The following SENP5 variants were observed in gnomAD, a reference collection of about 807,000 sequenced individuals.
SENP5 encodes SUMO specific peptidase 5, also known as sentrin-specific protease 5.
In SENP5, 21 loss-of-function variants were observed where a neutral mutation model predicts 74.2. That is an observed-to-expected ratio of 0.28 (90% CI 0.20 to 0.41). The LOEUF is 0.41. SENP5 is among the 10% of genes least tolerant of loss of function. The pLI, the probability that SENP5 is intolerant of heterozygous loss-of-function variation, is 1.00. For synonymous variants in SENP5, 311 were observed against 312.7 expected (o/e 0.99, Z 0.06); for missense variants, 717 against 889.1 (o/e 0.81, Z 2.46).
In SENP5 at chr3:196,885,773, G is replaced by A. The variant is rs928511064; in HGVS notation, c.592G>A (p.Gly198Ser). The A allele has an allele frequency of 8.7e-6, 14 of 1,614,052 alleles. No individual in the cohort carries two copies. Among genetic ancestry groups the A allele is most frequent in the South Asian group, 6.6e-5 (6 of 91,088 alleles). Residue 198 changes from glycine (G) to serine (S), a missense_variant, in exon 2 of 10, where the codon GGC becomes AGC. Gly to Ser is a moderately conservative substitution (Grantham distance 56). Transcript: ENST00000323460. ...NNHKRKGFCY[G>S]CCQGPEHHRN... ...CCATAAGAGAAAGGGCTTTTGTTAC[G>A]GCTGCTGCCAAGGGCCGGAGCACCA...
chr3:196,886,510 G>A lies in SENP5; in HGVS notation c.1329G>A (p.Glu443=). 6.2e-7 allele frequency: 1 copy of A among 1,613,402 alleles called. No homozygotes were observed. The highest frequency in any genetic ancestry group is 1.1e-5 in the South Asian group (1 of 90,898). ...AVQNENSYQM[E]EDGSLKQSIL... is the part of the protein sequence containing the mutation. ...AAAATGAGAACTCATACCAGATGGA[G>A]GAGGATGGATCTCTCAAGCAGAGCA... Residue 443 remains glutamate (E), a synonymous_variant, in exon 2 of 10, where the codon GAG becomes GAA. Transcript: ENST00000323460.
chr3:196,895,438 G>A (rs925409096), intron 2 of SENP5, among the ~76,000 whole-genome samples: 3 of 151,922 alleles, frequency 2.0e-5, no homozygotes, highest in Non-Finnish European at 2.9e-5. Flanking sequence ...CACCCGCTTC[G>A]GCTTCCCAAA....
chr3:196,911,962 T>A lies in SENP5; in HGVS notation c.1884+8352T>A, dbSNP rs147117047. Reference sequence around the variant, plus strand: ...TGGCAAGGCTGTGGAGACATAGGAATGCTTTTACACTGTTGGTGGGAACGT... The same window carrying A: ...TGGCAAGGCTGTGGAGACATAGGAAAGCTTTTACACTGTTGGTGGGAACGT... On this transcript the variant is annotated intron_variant, in intron 6 of 9. Transcript: ENST00000323460. Among the ~76,000 whole-genome samples, 189 of 152,304 alleles carry A rather than the reference T, an allele frequency of 1.2e-3. 6 individuals are homozygous for A. The East Asian group carries it at 0.03, about 25-fold the overall frequency.
rs1371117154 is a variant in SENP5, at chr3:196,933,034, T to TTTTTTTG, written c.*2112_*2113insTTTTTGT. The stretch of plus-strand genomic sequence containing the variant: ...TTGGGTTTTTTGTTTTTTTTTTTTT[T>TTTTTTTG]TGAGTCAGAGTCTCACTGTCCCTCA... On this transcript the variant is annotated 3_prime_UTR_variant, in exon 10 of 10. Coordinates refer to ENST00000323460, the MANE Select transcript of SENP5 (RefSeq NM_152699.5). 6.8e-6 allele frequency: 1 copy of TTTTTTTG among 147,720 alleles called. No homozygotes were observed. The highest frequency in any genetic ancestry group is 1.5e-5 in the Non-Finnish European group (1 of 67,376). 9.2% of individuals were successfully genotyped at this position (147,720 alleles called of 1,614,324 possible).
chr3:196,874,534 G>T (rs1021790673), intron 1 of SENP5, among the ~76,000 whole-genome samples: 8 of 151,810 alleles, frequency 5.3e-5, no homozygotes, highest in African/African-American at 9.7e-5. Context: ...CCTGATTTTT[G>T]ACCTTATCTC....
At chr3:196,893,684 T>C (rs201821515) in intron 2 of SENP5, among the ~76,000 whole-genome samples, 6 of 151,934 alleles carry the variant, frequency 3.9e-5, no homozygotes, top group Admixed American at 1.3e-4. Context: ...CCGAGGTGGG[T>C]GGATCACCTG....
chr3:196,925,082 C>A (rs1715762446), intron 7 of SENP5, among the ~76,000 whole-genome samples: 1 of 151,766 alleles, frequency 6.6e-6, no homozygotes, highest in South Asian at 2.1e-4. Flanking sequence ...TGGGACCTTA[C>A]CATTTTTTAT....
intron 2 of SENP5, among the ~76,000 whole-genome samples, chr3:196,891,108 T>TTATTC (rs1560146049): frequency 6.6e-6 from 1 of 152,234 alleles, no homozygotes; most frequent in Non-Finnish European, 1.5e-5. Flanking sequence ...CAATGGAATA[T>TTATTC]TATTCTATAA....
intron 2 of SENP5, among the ~76,000 whole-genome samples, chr3:196,891,447 C>T (rs577304035): frequency 6.6e-6 from 1 of 152,002 alleles, no homozygotes; most frequent in Non-Finnish European, 1.5e-5. Context: ...GTGTGTGAAT[C>T]ACATCTCAAT....
At chr3:196,903,486 G>A in intron 5 of SENP5, 47 bp from the exon 6 acceptor site, 1 of 1,205,684 alleles carries the variant, frequency 8.3e-7, no homozygotes, top group Non-Finnish European at 1.2e-6. Flanking sequence ...TTAAATCTGG[G>A]CACAGCCTAA....
At chr3:196,920,423 T>C (rs886101066) in intron 6 of SENP5, among the ~76,000 whole-genome samples, 4 of 152,268 alleles carry the variant, frequency 2.6e-5, no homozygotes, top group African/African-American at 9.6e-5. Context: ...AGTCATTTAT[T>C]ACTTCTAGGA....
At chr3:196,896,975 C>T (rs1714467455) in intron 2 of SENP5, among the ~76,000 whole-genome samples, 1 of 152,114 alleles carries the variant, frequency 6.6e-6, no homozygotes, top group South Asian at 2.1e-4. Context: ...TGTTTATCAT[C>T]TGAAAATGAA....
intron 1 of SENP5, among the ~76,000 whole-genome samples, chr3:196,876,543 A>G (rs1178698177): frequency 1.3e-5 from 2 of 151,644 alleles, no homozygotes; most frequent in African/African-American, 4.8e-5. Context: ...AAGAAAAGAA[A>G]AAAGTATTTA....
At chr3:196,912,659 A>G (rs1715185615) in intron 6 of SENP5, 1 of 152,228 alleles carries the variant, frequency 6.6e-6, no homozygotes, top group African/African-American at 2.4e-5. Flanking sequence ...CTGCACATGT[A>G]TCCCGGAACT....
chr3:196,905,655 G>C (rs766239885), intron 6 of SENP5, among the ~76,000 whole-genome samples: 1 of 152,110 alleles, frequency 6.6e-6, no homozygotes, highest in African/African-American at 2.4e-5. Flanking sequence ...GTGGGCACAG[G>C]GATTCTCTAG....
intron 6 of SENP5, among the ~76,000 whole-genome samples, chr3:196,919,532 G>A (rs1205685962): frequency 2.0e-5 from 3 of 152,130 alleles, no homozygotes; most frequent in East Asian, 1.9e-4. Flanking sequence ...GGTGGCTCAC[G>A]CCTGTAATCC....
intron 1 of SENP5, among the ~76,000 whole-genome samples, chr3:196,871,688 C>G (rs967866365): frequency 2.0e-5 from 3 of 151,820 alleles, no homozygotes; most frequent in African/African-American, 7.3e-5. Flanking sequence ...GACCCCATCT[C>G]TACTAAAAAT....
intron 5 of SENP5, among the ~76,000 whole-genome samples, chr3:196,901,692 T>G (rs1231939705): frequency 2.6e-5 from 4 of 152,210 alleles, no homozygotes; most frequent in Non-Finnish European, 4.4e-5. Flanking sequence ...TGTTATACAT[T>G]TATAAATTGG....
intron 5 of SENP5, among the ~76,000 whole-genome samples, chr3:196,900,829 A>T (rs1714669942): frequency 6.6e-6 from 1 of 151,538 alleles, no homozygotes; most frequent in Non-Finnish European, 1.5e-5. Flanking sequence ...CAGGTGATCC[A>T]CCTCTGCCTT....
Sources: gnomAD v4.1 joint callset for allele counts (sites outside exome capture counted in the v4.1 genomes callset) on GRCh38, gnomAD v4.1.1 for gene constraint, MANE v1.5 for transcripts, NCBI Gene and HGNC (gene_info 2026-07-23, HGNC 2026-07-21) for gene names.